TMTC4: variants seen among roughly 807,000 people sequenced by gnomAD.
TMTC4 encodes protein O-mannosyl-transferase TMTC4.
TMTC4 carries 65 observed loss-of-function variants against 86.0 expected under a neutral mutation model. The ratio of observed to expected loss-of-function variants is 0.76; its 90% CI spans 0.62 to 0.93. The LOEUF is 0.93. Ranked by LOEUF, TMTC4 falls within the 40% of genes least tolerant of loss-of-function variation. The pLI is 0.00. For synonymous variants in TMTC4, 379 were observed against 382.5 expected (o/e 0.99, Z 0.11); for missense variants, 866 against 948.1 (o/e 0.91, Z 1.14).
chr13:100,656,542 C>CTTTTTTTTTTTGTTTTTTTTTTT (rs1885137980), intron 5 of TMTC4, 74 bp from the exon 6 acceptor site: 1 of 350,206 alleles, frequency 2.9e-6, no homozygotes, highest in Non-Finnish European at 4.6e-6. Context: ...GGAGACATAA[C>CTTTTTTTTTTTGTTTTTTTTTTT]TTTTTTTTTT....
At chr13:100,639,304 A>G (rs1326755977) in intron 7 of TMTC4, among the ~76,000 whole-genome samples, 2 of 152,334 alleles carry the variant, frequency 1.3e-5, no homozygotes, top group Middle Eastern at 3.4e-3. Context: ...TGCTGGGTTA[A>G]TCAGTTCAAA....
intron 6 of TMTC4, among the ~76,000 whole-genome samples, chr13:100,646,948 G>A (rs1032304132): frequency 6.6e-6 from 1 of 152,132 alleles, no homozygotes; most frequent in African/African-American, 2.4e-5. Flanking sequence ...AATTATGGCC[G>A]AAATAACCCT....
chr13:100,655,749 TG>T (rs1418707425), intron 6 of TMTC4, among the ~76,000 whole-genome samples: 1 of 151,556 alleles, frequency 6.6e-6, no homozygotes, highest in Admixed American at 6.6e-5. Context: ...CGATGAGCGA[TG>T]GGAAGAAGTG....
Position 100,637,965 on chromosome 13 carries a change from C to G in TMTC4, c.799G>C (p.Val267Leu). The G allele has an allele frequency of 6.2e-7, 1 of 1,613,980 alleles. No individual in the cohort carries two copies. The highest frequency in any genetic ancestry group is 1.7e-5 in the Admixed American group (1 of 59,996). ...VIGKFNVLEIVQKVLHKDKSL... is the reference protein window; with the variant it reads ...VIGKFNVLEILQKVLHKDKSL... ...TTGTCCTTATGTAGTACCTTCTGGA[C>G]AATTTCCAGAACATTGAATTTGCCT... The change falls in exon 8 of 19, where the codon GTC becomes CTC. Residue 267 changes from valine (V) to leucine (L), a missense_variant. Coordinates refer to ENST00000342624, the MANE Select transcript of TMTC4 (RefSeq NM_032813.5).
rs780957536 is a variant in TMTC4 at position 100,642,300 on chromosome 13, C to A, written c.652G>T (p.Gly218Ter). ...ACCCAGAAGGTGGAAGAATGCGCTC[C>A]CTCCTTGTTACCTGCCAATTAAGAG... ...CKAFRESNKEGAHSSTFWVLL... is the reference protein window; with the variant it reads ...CKAFRESNKE Residue 218 changes from glycine to a stop codon, truncating the protein, a stop_gained, in exon 7 of 19, where the codon GGA (glycine) becomes TGA (stop). Transcript: ENST00000342624. LOFTEE classifies it high-confidence loss of function. The A allele has an allele frequency of 1.2e-6, 2 of 1,614,210 alleles. No individual in the cohort carries two copies. Among genetic ancestry groups the A allele is most frequent in the Admixed American group, 1.7e-5 (1 of 60,020 alleles).
intron 6 of TMTC4, among the ~76,000 whole-genome samples, chr13:100,654,014 T>C (rs765020334): frequency 2.0e-5 from 3 of 152,242 alleles, no homozygotes; most frequent in Non-Finnish European, 4.4e-5. Context: ...TCCATTTAAA[T>C]GAACGCTTTC....
intron 6 of TMTC4, among the ~76,000 whole-genome samples, chr13:100,653,454 T>C (rs1055698761): frequency 2.6e-5 from 4 of 152,078 alleles, no homozygotes; most frequent in Admixed American, 2.6e-4. Flanking sequence ...GGGATAGGCA[T>C]CCAGTCCTGA....
intron 6 of TMTC4, among the ~76,000 whole-genome samples, chr13:100,652,257 T>C (rs11838803): frequency 0.1 from 15,931 of 152,206 alleles, 922 homozygotes; most frequent in Non-Finnish European, 0.14. Context: ...GGTGGGCAGA[T>C]CACTTGAGGT....
intron 15 of TMTC4, among the ~76,000 whole-genome samples, chr13:100,619,990 A>G (rs891860629): frequency 2.0e-5 from 3 of 152,230 alleles, no homozygotes; most frequent in African/African-American, 7.2e-5. Flanking sequence ...TGAAGAATAG[A>G]CTGAATCAGA....
chr13:100,635,410 C>T (rs904311535), intron 10 of TMTC4, among the ~76,000 whole-genome samples: 1 of 152,114 alleles, frequency 6.6e-6, no homozygotes, highest in Non-Finnish European at 1.5e-5. Context: ...CACTTCACAG[C>T]GAGTCTAAGG....
chr13:100,623,766 G>C (rs1879967609), intron 15 of TMTC4: 3 of 236,142 alleles, frequency 1.3e-5, no homozygotes, highest in South Asian at 5.5e-5. Context: ...CAATGCACCA[G>C]CTGATGGGTA....
intron 6 of TMTC4, among the ~76,000 whole-genome samples, chr13:100,653,360 G>A (rs1884685064): frequency 6.6e-6 from 1 of 152,156 alleles, no homozygotes; most frequent in Non-Finnish European, 1.5e-5. Context: ...AGGGAATTTT[G>A]GGAGTTGTGA....
intron 1 of TMTC4, chr13:100,674,310 C>T (rs1293154719): frequency 1.0e-6 from 1 of 978,934 alleles, no homozygotes; most frequent in Non-Finnish European, 1.2e-6. Flanking sequence ...GTCCAGCCAT[C>T]GCCTGCGCCG....
intron 10 of TMTC4, among the ~76,000 whole-genome samples, chr13:100,635,495 C>T (rs942673233): frequency 2.0e-5 from 3 of 152,094 alleles, no homozygotes; most frequent in African/African-American, 7.2e-5. Flanking sequence ...ATTAATTCAC[C>T]TACTCCTCAC....
At chr13:100,653,026 C>T (rs534836713) in intron 6 of TMTC4, among the ~76,000 whole-genome samples, 2 of 152,262 alleles carry the variant, frequency 1.3e-5, no homozygotes, top group South Asian at 4.2e-4. Context: ...TTCATGAACA[C>T]CTTAACCGGA....
At chr13:100,609,037 AG>A (rs1877116527) in intron 17 of TMTC4, among the ~76,000 whole-genome samples, 2 of 152,172 alleles carry the variant, frequency 1.3e-5, no homozygotes, top group South Asian at 4.1e-4. Flanking sequence ...TGCCTCCGCT[AG>A]AATAGGAAGG....
intron 18 of TMTC4, 136 bp downstream of exon 18, chr13:100,606,222 T>C (rs1876566250): frequency 2.6e-6 from 2 of 757,696 alleles, no homozygotes; most frequent in East Asian, 2.7e-5. Context: ...ATCTTTTTAA[T>C]GCAATAACAG....
At chr13:100,674,600 A>T (rs2139098579) in intron 1 of TMTC4, 144 bp downstream of exon 1, 1 of 981,432 alleles carries the variant, frequency 1.0e-6, no homozygotes, top group East Asian at 1.2e-4. Flanking sequence ...TCCCGGAACC[A>T]ACTCCTCCAG....
At chr13:100,614,884 T>C (rs929937057) in intron 15 of TMTC4, 22 of 983,044 alleles carry the variant, frequency 2.2e-5, no homozygotes, top group Non-Finnish European at 2.7e-5. Flanking sequence ...CTTAGAATAG[T>C]GAACAAAGTA....
Sources: allele counts gnomAD v4.1 joint callset (sites outside exome capture counted in the v4.1 genomes callset), GRCh38; gene constraint gnomAD v4.1.1; transcripts MANE v1.5; gene names NCBI Gene and HGNC (gene_info 2026-07-23, HGNC 2026-07-21).